Variants in SCUBE3 observed in about 807,000 individuals in gnomAD.
SCUBE3 encodes the protein signal peptide, CUB domain and EGF like domain containing 3.
Under a neutral mutation model 116.8 loss-of-function variants are expected in SCUBE3, and 33 were observed. The ratio of observed to expected loss-of-function variants is 0.28; its 90% CI spans 0.21 to 0.38. The LOEUF is 0.38. Among genes scored for constraint, SCUBE3 ranks in the 10% least tolerant of loss-of-function variants. SCUBE3 has a pLI of 1.00. For missense variants in SCUBE3, 1,007 were observed against 1,324.8 expected (o/e 0.76, Z 3.72); for synonymous variants, 418 against 496.9 (o/e 0.84, Z 2.11).
Position 35,241,477 on chromosome 6 carries a change from C to G in SCUBE3, c.1196-66C>G. ...ACAATAGTTATGCAAGTAGCTGATT[C>G]CTCCAAATTACCCAACTGAGGGAAA... On this transcript the variant is annotated intron_variant, in intron 10 of 21. Transcript: ENST00000274938. This position sits in a 1 kb window ranked among gnomAD's most constrained non-coding sequence, Gnocchi z 4.1. 1 of 1,232,712 alleles carries G rather than the reference C, an allele frequency of 8.1e-7. No individual in the cohort carries two copies. The highest frequency in any genetic ancestry group is 1.2e-6 in the Non-Finnish European group (1 of 833,418). 76.4% of individuals were successfully genotyped at this position (1,232,712 alleles called of 1,614,324 possible). A position where few individuals can be genotyped will look rare whatever the true frequency, so the allele number is the denominator to read the frequency against.
chr6:35,229,384 C>G (rs964491788), intron 3 of SCUBE3, among the ~76,000 whole-genome samples: 4 of 152,108 alleles, frequency 2.6e-5, no homozygotes, highest in African/African-American at 7.2e-5. Flanking sequence ...CGCTCCAGAT[C>G]GAGCAATCTT....
At position 35,231,894 on chromosome 6, in the gene SCUBE3, C is replaced by CT. The variant is rs1330449276; in HGVS notation, c.469+35_469+36insT. 6.4e-7 allele frequency: 1 copy of CT among 1,572,902 alleles called. No homozygotes were observed. The highest frequency in any genetic ancestry group is 8.7e-7 in the Non-Finnish European group (1 of 1,150,026). ...TGACCTGGGATGGCCCCATCCCTGC[C>CT]CTCCCCAGGCTTCTCTTCCCAGCTG... is the stretch of plus-strand genomic sequence containing the variant. On this transcript the variant is annotated intron_variant, in intron 4 of 21. Coordinates refer to ENST00000274938, the MANE Select transcript of SCUBE3 (RefSeq NM_152753.4). The surrounding 1 kb of genome is among the most constrained non-coding windows in gnomAD (Gnocchi z 4.2).
chr6:35,233,338 A>C lies in SCUBE3; in HGVS notation c.712+37A>C. 23 of 623,110 alleles carry C rather than the reference A, an allele frequency of 3.7e-5. No homozygotes were observed. Among genetic ancestry groups the C allele is most frequent in the East Asian group, 8.6e-5 (2 of 23,320 alleles). The allele number at this position is 623,110 out of a possible 1,614,324, so 38.6% of individuals were successfully genotyped here. A position where few individuals can be genotyped will look rare whatever the true frequency, so the allele number is the denominator to read the frequency against. On this transcript the variant is annotated intron_variant, in intron 6 of 21. Coordinates refer to ENST00000274938, the MANE Select transcript of SCUBE3 (RefSeq NM_152753.4). This position sits in a 1 kb window ranked among gnomAD's most constrained non-coding sequence, Gnocchi z 5.7. ...CAGGGGAGAACTCAGTCCACCTGAG[A>C]TGGGGTGGGGGTGGGACCCTTTGGG...
intron 21 of SCUBE3, among the ~76,000 whole-genome samples, chr6:35,246,635 T>G (rs908673200): frequency 6.6e-6 from 1 of 152,222 alleles, no homozygotes; most frequent in Non-Finnish European, 1.5e-5. Flanking sequence ...AAGATACTTT[T>G]GCATAAGTCC....
At chr6:35,216,791 A>G (rs921197360) in intron 1 of SCUBE3, among the ~76,000 whole-genome samples, 2 of 152,102 alleles carry the variant, frequency 1.3e-5, no homozygotes, top group African/African-American at 4.8e-5. Flanking sequence ...CGGAGTTACT[A>G]TACCTCTGGG....
rs1783379501 is a variant in SCUBE3 at position 35,227,618 on chromosome 6, A to G, written c.124A>G (p.Ile42Val). 1.2e-6 allele frequency: 2 copies of G among 1,614,030 alleles called. No homozygotes were observed. The highest frequency in any genetic ancestry group is 2.7e-5 in the African/African-American group (2 of 74,932). Residue 42 changes from isoleucine (I) to valine (V), a missense_variant, in exon 2 of 22, where the codon ATC becomes GTC. Ile to Val is a conservative substitution (Grantham distance 29, BLOSUM62 3). Coordinates refer to ENST00000274938, the MANE Select transcript of SCUBE3 (RefSeq NM_152753.4). Reference sequence around the variant, plus strand: ...TGTGGAGGGGACTGACAACTGCCACATCGATGCTATCTGCCAGAACACCCC... The same window carrying G: ...TGTGGAGGGGACTGACAACTGCCACGTCGATGCTATCTGCCAGAACACCCC... ...ECVEGTDNCH[I>V]DAICQNTPRS... is the part of the protein sequence containing the mutation.
rs1235703132 is a variant in SCUBE3, at chr6:35,246,253, T to C, written c.2800T>C (p.Tyr934His). ...VEDIVRDGRLYASENHQEILK... is the reference protein window; with the variant it reads ...VEDIVRDGRLHASENHQEILK... Reference sequence around the variant, plus strand: ...AGACATTGTGCGAGATGGCCGGCTCTATGCCTCTGAAAACCACCAGGAGAT... The same window carrying C: ...AGACATTGTGCGAGATGGCCGGCTCCATGCCTCTGAAAACCACCAGGAGAT... The change falls in exon 21 of 22, where the codon TAT (tyrosine) becomes CAT (histidine). Residue 934 changes from tyrosine (Y) to histidine (H), a missense_variant. Tyr to His is a moderately conservative substitution (Grantham distance 83). Coordinates refer to ENST00000274938, the MANE Select transcript of SCUBE3 (RefSeq NM_152753.4). 6.2e-7 allele frequency: 1 copy of C among 1,614,050 alleles called. No individual in the cohort carries two copies. The highest frequency in any genetic ancestry group is 8.5e-7 in the Non-Finnish European group (1 of 1,179,888).
rs771565284 is a variant in SCUBE3, at chr6:35,243,463, G to C, written c.1910-131G>C. 30 of 963,360 alleles carry C rather than the reference G, an allele frequency of 3.1e-5. No homozygotes were observed. The highest frequency in any genetic ancestry group is 4.5e-5 in the Non-Finnish European group (29 of 647,588). 59.7% of individuals were successfully genotyped at this position (963,360 alleles called of 1,614,324 possible). On this transcript the variant is annotated intron_variant, in intron 15 of 21. Transcript: ENST00000274938. The surrounding 1 kb of genome is among the most constrained non-coding windows in gnomAD (Gnocchi z 6.6). ...TTTGACCCTCCTATCCCCCCAAGTAGGATTGTGTTTGTTCCCTGACAGAGA... is the reference window on the plus strand; with the variant it reads ...TTTGACCCTCCTATCCCCCCAAGTACGATTGTGTTTGTTCCCTGACAGAGA...
At position 35,240,310 on chromosome 6, in the gene SCUBE3, T is replaced by C; in HGVS notation, c.953-64T>C. 2 of 967,192 alleles carry C rather than the reference T, an allele frequency of 2.1e-6. No individual in the cohort carries two copies. The highest frequency in any genetic ancestry group is 3.1e-6 in the Non-Finnish European group (2 of 642,584). The allele number at this position is 967,192 out of a possible 1,614,324, so 59.9% of individuals were successfully genotyped here. A position where few individuals can be genotyped will look rare whatever the true frequency, so the allele number is the denominator to read the frequency against. ...AAGCCAAGGCCCCTCACTTGGGTCC[T>C]TCACCTGAGCAAGGGTCAAGTGCTC... On this transcript the variant is annotated intron_variant, in intron 8 of 21. Coordinates refer to ENST00000274938, the MANE Select transcript of SCUBE3 (RefSeq NM_152753.4). This position sits in a 1 kb window ranked among gnomAD's most constrained non-coding sequence, Gnocchi z 4.6.
Position 35,231,795 on chromosome 6 carries a change from G to T in SCUBE3, c.405G>T (p.Glu135Asp). 1 of 1,613,660 alleles carries T rather than the reference G, an allele frequency of 6.2e-7. No homozygotes were observed. The highest frequency in any genetic ancestry group is 8.5e-7 in the Non-Finnish European group (1 of 1,179,652). ...GTGTCAACATGATGGGCAGCTATGA[G>T]TGCCACTGCCGGGAAGGCTTCTTCC... ...QSCVNMMGSY[E>D]CHCREGFFLS... The change falls in exon 4 of 22, where the codon GAG (glutamate) becomes GAT (aspartate). Residue 135 changes from glutamate (E) to aspartate (D), a missense_variant. Glu to Asp is a conservative substitution (Grantham distance 45, BLOSUM62 2). Around this residue, in one of 5 missense-constraint regions of SCUBE3, gnomAD observed 214 missense variants for 316.7 expected, o/e 0.68. Transcript: ENST00000274938. This position sits in a 1 kb window ranked among gnomAD's most constrained non-coding sequence, Gnocchi z 4.2.
intron 6 of SCUBE3, among the ~76,000 whole-genome samples, chr6:35,236,970 T>C (rs764802728): frequency 7.9e-5 from 12 of 152,174 alleles, no homozygotes; most frequent in Non-Finnish European, 1.6e-4. Flanking sequence ...CTGCTGTGAA[T>C]TCAGAAAATA....
rs1784017987 is a variant in SCUBE3, at chr6:35,240,995, G to GT, written c.1070-144dup. 1.6e-5 allele frequency: 12 copies of GT among 745,114 alleles called. No homozygotes were observed. The Admixed American group carries it at 2.8e-4, about 18-fold the overall frequency. The allele number at this position is 745,114 out of a possible 1,614,324, so 46.2% of individuals were successfully genotyped here. On this transcript the variant is annotated intron_variant, in intron 9 of 21. Transcript: ENST00000274938. This position sits in a 1 kb window ranked among gnomAD's most constrained non-coding sequence, Gnocchi z 4.6. ...GTATTTATGTGCCTATAGGCACACT[G>GT]TTGTACAGTAGATCTCTCGAACTTA...
intron 1 of SCUBE3, among the ~76,000 whole-genome samples, chr6:35,216,323 C>A (rs1007321758): frequency 3.9e-5 from 6 of 152,208 alleles, no homozygotes; most frequent in African/African-American, 1.4e-4. Context: ...AGAGTGAAGG[C>A]CCCTGCCCTC....
At chr6:35,246,385 G>T in intron 21 of SCUBE3, 100 bp downstream of exon 21, 1 of 861,556 alleles carries the variant, frequency 1.2e-6, no homozygotes. Flanking sequence ...TCACTTGATA[G>T]ACACAATAGC....
In SCUBE3 at chr6:35,245,939, C is replaced by T; in HGVS notation, c.2600-5C>T. The stretch of plus-strand genomic sequence containing the variant: ...GCTCTACTGACCTGCTGCTTGCCTT[C>T]CCAGCATCCCCATCCTCCATTACCA... On this transcript the variant is annotated splice_polypyrimidine_tract_variant and splice_region_variant and intron_variant, in intron 19 of 21. Transcript: ENST00000274938. This position sits in a 1 kb window ranked among gnomAD's most constrained non-coding sequence, Gnocchi z 4.2. 4 of 1,613,722 alleles carry T rather than the reference C, an allele frequency of 2.5e-6. No homozygotes were observed. The highest frequency in any genetic ancestry group is 3.4e-6 in the Non-Finnish European group (4 of 1,179,778).
At chr6:35,238,964 A>G (rs1398897176) in intron 7 of SCUBE3, among the ~76,000 whole-genome samples, 2 of 152,146 alleles carry the variant, frequency 1.3e-5, no homozygotes, top group Non-Finnish European at 2.9e-5. Context: ...AACTGTTGAC[A>G]GGTATGCTAA....
In SCUBE3 at chr6:35,243,582, A is replaced by C. The variant is rs774888244; in HGVS notation, c.1910-12A>C. ...CGGGGGTGGGTGGCTAGCGCGGCCG[A>C]CTCTCCCTCAGTCAGCTGCCCGCAG... On this transcript the variant is annotated splice_polypyrimidine_tract_variant and intron_variant, in intron 15 of 21. Coordinates refer to ENST00000274938, the MANE Select transcript of SCUBE3 (RefSeq NM_152753.4). This position sits in a 1 kb window ranked among gnomAD's most constrained non-coding sequence, Gnocchi z 6.6. The C allele has an allele frequency of 4.4e-6, 7 of 1,592,026 alleles. No individual in the cohort carries two copies. Among genetic ancestry groups the C allele is most frequent in the Non-Finnish European group, 6.0e-6 (7 of 1,166,140 alleles).
At position 35,233,404 on chromosome 6, in the gene SCUBE3, G is replaced by A. The variant is rs1342042845; in HGVS notation, c.712+103G>A. 9 of 739,160 alleles carry A rather than the reference G, an allele frequency of 1.2e-5. No individual in the cohort carries two copies. The highest frequency in any genetic ancestry group is 2.2e-5 in the Non-Finnish European group (9 of 415,458). 45.8% of individuals were successfully genotyped at this position (739,160 alleles called of 1,614,324 possible). A position where few individuals can be genotyped will look rare whatever the true frequency, so the allele number is the denominator to read the frequency against. On this transcript the variant is annotated intron_variant, in intron 6 of 21. Coordinates refer to ENST00000274938, the MANE Select transcript of SCUBE3 (RefSeq NM_152753.4). This position sits in a 1 kb window ranked among gnomAD's most constrained non-coding sequence, Gnocchi z 5.7. ...GGAGTGCATGGGGCCCAGGTGCTGG[G>A]CACAGAGGGACTGGTGAGGGAGTTA...
chr6:35,229,110 C>T lies in SCUBE3; in HGVS notation c.334+371C>T, dbSNP rs542292452. 2.1e-4 allele frequency among the ~76,000 whole-genome samples: 32 copies of T among 152,144 alleles called. No homozygotes were observed. In the East Asian group the frequency reaches 5.8e-3, roughly 28 times the overall value. The stretch of plus-strand genomic sequence containing the variant: ...TCTCTGGAAATCTCATCTTTCTCCT[C>T]TCTAAAATGGGGGTGGGACCAGGTG... On this transcript the variant is annotated intron_variant, in intron 3 of 21. Coordinates refer to ENST00000274938, the MANE Select transcript of SCUBE3 (RefSeq NM_152753.4).
Sources: gnomAD v4.1 joint callset for allele counts (sites outside exome capture counted in the v4.1 genomes callset) on GRCh38, gnomAD v4.1.1 for gene constraint, gnomAD v4.1.1 regional missense constraint, Gnocchi (gnomAD v3.1) non-coding constraint, MANE v1.5 for transcripts, NCBI Gene and HGNC (gene_info 2026-07-23, HGNC 2026-07-21) for gene names.